Variants in DNAJC6 observed in about 807,000 individuals in gnomAD.
DNAJC6 encodes the protein DnaJ heat shock protein family (Hsp40) member C6.
In DNAJC6, 34 loss-of-function variants were observed where a neutral mutation model predicts 110.0. That is an observed-to-expected ratio of 0.31 (90% CI 0.24 to 0.41). The LOEUF is 0.41. Among genes scored for constraint, DNAJC6 ranks in the 10% least tolerant of loss-of-function variants. The pLI is 1.00. For missense variants in DNAJC6, 1,031 were observed against 1,207.8 expected (o/e 0.85, Z 2.17); for synonymous variants, 406 against 437.2 (o/e 0.93, Z 0.89).
At position 65,413,883 on chromosome 1, in the gene DNAJC6, A is replaced by G. The variant is rs919715277; in HGVS notation, c.*858A>G. 1 of 152,258 alleles carries G rather than the reference A, an allele frequency of 6.6e-6. No homozygotes were observed. Among genetic ancestry groups the G allele is most frequent in the African/African-American group, 2.4e-5 (1 of 41,458 alleles). 9.4% of individuals were successfully genotyped at this position (152,258 alleles called of 1,614,324 possible). On this transcript the variant is annotated 3_prime_UTR_variant, in exon 19 of 19. Coordinates refer to ENST00000371069, the MANE Select transcript of DNAJC6 (RefSeq NM_001256864.2). ...AATGCTCTTCTTTTGTTTAGCCAAG[A>G]AAACATTCTTAGTTGGAAACAGGTG...
chr1:65,397,310 G>A (rs376730571), intron 13 of DNAJC6, among the ~76,000 whole-genome samples: 6 of 152,052 alleles, frequency 3.9e-5, no homozygotes, highest in Non-Finnish European at 7.4e-5. Flanking sequence ...TCTGCAAGGC[G>A]TCGCCAATCT....
chr1:65,407,989 A>C (rs1646093474), intron 16 of DNAJC6, among the ~76,000 whole-genome samples: 1 of 152,250 alleles, frequency 6.6e-6, no homozygotes, highest in Admixed American at 6.5e-5. Context: ...TTTTCAAAAC[A>C]AGTCCATAAG....
At chr1:65,340,351 T>C (rs1055129645) in intron 1 of DNAJC6, among the ~76,000 whole-genome samples, 7 of 152,208 alleles carry the variant, frequency 4.6e-5, no homozygotes, top group Non-Finnish European at 8.8e-5. Context: ...GAGGAAGAGC[T>C]GGCCTCCCTC....
intron 16 of DNAJC6, among the ~76,000 whole-genome samples, chr1:65,408,418 C>T (rs1168247567): frequency 6.6e-6 from 1 of 152,112 alleles, no homozygotes; most frequent in Non-Finnish European, 1.5e-5. Flanking sequence ...ATCCAGCCTC[C>T]AGTTTTAACC....
At chr1:65,336,151 C>G (rs1323726706) in intron 1 of DNAJC6, among the ~76,000 whole-genome samples, 1 of 152,154 alleles carries the variant, frequency 6.6e-6, no homozygotes, top group Non-Finnish European at 1.5e-5. Context: ...GCTAGGGAGG[C>G]TGCAGGAAAC....
rs191597033 is a variant in DNAJC6, at chr1:65,300,251, C to T, written c.-131+35319C>T. Among the ~76,000 whole-genome samples, 6 of 152,110 alleles carry T rather than the reference C, an allele frequency of 3.9e-5. No individual in the cohort carries two copies. In the East Asian group the frequency reaches 9.7e-4, roughly 25 times the overall value. ...CTAGGGCTCTCTGGAGCTCGGGGTT[C>T]TTCTATTTTACTGTTTCATTGTGAA... On this transcript the variant is annotated intron_variant, in intron 1 of 19. Transcript: ENST00000263441.
chr1:65,315,285 GT>G (rs59005722), intron 1 of DNAJC6, among the ~76,000 whole-genome samples: 13,704 of 145,744 alleles, frequency 0.094, 1,698 homozygotes, highest in African/African-American at 0.29. Context: ...TGAGAATAAT[GT>G]TTTTTTTTTT....
chr1:65,392,385 G>A lies in DNAJC6; in HGVS notation c.1469-46G>A, dbSNP rs757546377. On this transcript the variant is annotated intron_variant, in intron 11 of 18. Transcript: ENST00000371069. The stretch of plus-strand genomic sequence containing the variant: ...ATATATTATAACAAAAACCAACAAT[G>A]CTGTGGTCAGCAACTAATCTCTTAT... The A allele has an allele frequency of 2.9e-5, 43 of 1,499,518 alleles. 2 individuals carry two copies. The South Asian group carries it at 5.6e-4, about 19-fold the overall frequency. The allele number at this position is 1,499,518 out of a possible 1,614,324, so 92.9% of individuals were successfully genotyped here. A position where few individuals can be genotyped will look rare whatever the true frequency, so the allele number is the denominator to read the frequency against.
chr1:65,307,018 C>CTCTCTCTCTATA (rs1465563773), upstream of DNAJC6, among the ~76,000 whole-genome samples: 1 of 70,704 alleles, frequency 1.4e-5, no homozygotes, highest in African/African-American at 5.3e-5. Flanking sequence ...CTCTCTCTCT[C>CTCTCTCTCTATA]TATATATATA....
intron 1 of DNAJC6, 64 bp from the exon 2 acceptor site, chr1:65,364,571 T>G: frequency 6.5e-7 from 1 of 1,529,330 alleles, no homozygotes. Context: ...GAAGAGGGAT[T>G]GGTTTTCCGT....
intron 1 of DNAJC6, among the ~76,000 whole-genome samples, chr1:65,329,652 C>T (rs6657510): frequency 0.12 from 18,400 of 152,026 alleles, 1,482 homozygotes; most frequent in East Asian, 0.27. Context: ...CTGTCTGTTA[C>T]AAAGTTCACC....
intron 1 of DNAJC6, chr1:65,265,077 T>C (rs1653270824): frequency 1.4e-6 from 1 of 721,472 alleles, no homozygotes; most frequent in East Asian, 2.8e-5. Flanking sequence ...TCTAGTTATA[T>C]AATAAACATG....
intron 1 of DNAJC6, among the ~76,000 whole-genome samples, chr1:65,304,450 G>C (rs1421108335): frequency 6.6e-6 from 1 of 152,160 alleles, no homozygotes; most frequent in Non-Finnish European, 1.5e-5. Flanking sequence ...GCAAAACCTT[G>C]ATTAACTGGG....
chr1:65,382,141 A>G (rs893023448), intron 5 of DNAJC6, among the ~76,000 whole-genome samples: 1 of 152,328 alleles, frequency 6.6e-6, no homozygotes, highest in South Asian at 2.1e-4. Flanking sequence ...TTTTGCACAG[A>G]AGATTTTAAA....
intron 1 of DNAJC6, among the ~76,000 whole-genome samples, chr1:65,303,635 T>G (rs1645011099): frequency 6.6e-6 from 1 of 152,092 alleles, no homozygotes; most frequent in African/African-American, 2.4e-5. Flanking sequence ...CTCGGCTCAC[T>G]GCAACCTCTG....
intron 1 of DNAJC6, among the ~76,000 whole-genome samples, chr1:65,325,656 A>G (rs1401572689): frequency 6.6e-6 from 1 of 152,230 alleles, no homozygotes; most frequent in African/African-American, 2.4e-5. Flanking sequence ...CCTTTTCTCA[A>G]TATAGCCTTA....
At chr1:65,332,724 T>G (rs1457614761) in intron 1 of DNAJC6, among the ~76,000 whole-genome samples, 1 of 152,222 alleles carries the variant, frequency 6.6e-6, no homozygotes, top group East Asian at 1.9e-4. Context: ...ACAGTGTTTT[T>G]TTTGTTTTGT....
chr1:65,385,305 T>C (rs1282602332), intron 6 of DNAJC6, among the ~76,000 whole-genome samples: 1 of 152,220 alleles, frequency 6.6e-6, no homozygotes, highest in African/African-American at 2.4e-5. Context: ...TTATCACAAT[T>C]TCTTCATTTT....
intron 1 of DNAJC6, among the ~76,000 whole-genome samples, chr1:65,357,001 T>C (rs1645550337): frequency 6.6e-6 from 1 of 152,182 alleles, no homozygotes; most frequent in Non-Finnish European, 1.5e-5. Flanking sequence ...CTCTAACTGC[T>C]GGGAGCCAAG....
Sources: gnomAD v4.1 joint callset for allele counts (sites outside exome capture counted in the v4.1 genomes callset) on GRCh38, gnomAD v4.1.1 for gene constraint, MANE v1.5 for transcripts, NCBI Gene and HGNC (gene_info 2026-07-23, HGNC 2026-07-21) for gene names.